The following HS6ST3 variants were observed in gnomAD, a reference collection of about 807,000 sequenced individuals.
HS6ST3 encodes the protein heparan sulfate 6-O-sulfotransferase 3, also known as heparan-sulfate 6-O-sulfotransferase 3.
HS6ST3 carries 12 observed loss-of-function variants against 36.7 expected under a neutral mutation model. That is an observed-to-expected ratio of 0.33 (90% confidence interval 0.21 to 0.53). The LOEUF is 0.53. Among genes scored for constraint, HS6ST3 ranks in the 20% least tolerant of loss-of-function variants. HS6ST3 has a pLI of 0.95. For missense variants in HS6ST3, 584 were observed against 640.9 expected, an observed-to-expected ratio of 0.91 and a Z score of 0.96; for synonymous variants, 240 against 257.5, an observed-to-expected ratio of 0.93 and a Z score of 0.65.
intron 1 of HS6ST3, among the ~76,000 whole-genome samples, chr13:96,592,362 G>T (rs1234216432): frequency 1.3e-5 from 2 of 151,800 alleles, no homozygotes; most frequent in Non-Finnish European, 2.9e-5. Flanking sequence ...CTATCTTATT[G>T]TACTATGTCT....
At chr13:96,310,254 T>C (rs1386866261) in intron 1 of HS6ST3, among the ~76,000 whole-genome samples, 1 of 152,182 alleles carries the variant, frequency 6.6e-6, no homozygotes, top group Non-Finnish European at 1.5e-5. Flanking sequence ...CAGATATATG[T>C]ATATAGAATC....
At chr13:96,327,711 G>A (rs2055040719) in intron 1 of HS6ST3, among the ~76,000 whole-genome samples, 2 of 151,990 alleles carry the variant, frequency 1.3e-5, no homozygotes, top group African/African-American at 4.8e-5. Context: ...TTCCAATTCT[G>A]TGAAGAAAGT....
chr13:96,360,673 C>G (rs1043404657), intron 1 of HS6ST3, among the ~76,000 whole-genome samples: 6 of 147,220 alleles, frequency 4.1e-5, no homozygotes, highest in African/African-American at 1.5e-4. Context: ...AAGTCCGGTG[C>G]AGTGGCTCAA....
chr13:96,487,344 A>G (rs1328823437), intron 1 of HS6ST3, among the ~76,000 whole-genome samples: 1 of 152,144 alleles, frequency 6.6e-6, no homozygotes, highest in African/African-American at 2.4e-5. Flanking sequence ...GAGGTTTTTC[A>G]GAGCACTTGT....
intron 1 of HS6ST3, among the ~76,000 whole-genome samples, chr13:96,505,811 G>A (rs2056023980): frequency 6.6e-6 from 1 of 152,044 alleles, no homozygotes. Flanking sequence ...CTAAGAAAAT[G>A]GTGGAAAATG....
chr13:96,602,242 T>C (rs1401231620), intron 1 of HS6ST3, among the ~76,000 whole-genome samples: 7 of 152,186 alleles, frequency 4.6e-5, no homozygotes, highest in Admixed American at 3.3e-4. Flanking sequence ...AAAATAGTTA[T>C]TTTTTAATTC....
At chr13:96,640,321 A>G (rs192526835) in intron 1 of HS6ST3, among the ~76,000 whole-genome samples, 1 of 152,024 alleles carries the variant, frequency 6.6e-6, no homozygotes, top group Non-Finnish European at 1.5e-5. Flanking sequence ...ATGATTAGTG[A>G]TGATGAGCAT....
At position 96,298,427 on chromosome 13, in the gene HS6ST3, A is replaced by C. The variant is rs2054865838; in HGVS notation, c.707+206858A>C. Among the ~76,000 whole-genome samples the C allele has an allele frequency of 3.3e-5, 5 of 152,238 alleles. No homozygotes were observed. The South Asian group carries it at 8.3e-4, about 25-fold the overall frequency. On this transcript the variant is annotated intron_variant, in intron 1 of 1. Transcript: ENST00000376705. ...AAATCTACAGTTACACATTCTTAGA[A>C]GCCTTCCTGCTGAAATAAATAGTAT...
At chr13:96,775,299 A>C (rs1473149404) in intron 1 of HS6ST3, among the ~76,000 whole-genome samples, 4 of 152,140 alleles carry the variant, frequency 2.6e-5, no homozygotes, top group Admixed American at 6.5e-5. Context: ...ACTGGCTAAC[A>C]TCATAATGAC....
chr13:96,697,737 T>G (rs1246434051), intron 1 of HS6ST3, among the ~76,000 whole-genome samples: 1 of 152,162 alleles, frequency 6.6e-6, no homozygotes, highest in Non-Finnish European at 1.5e-5. Context: ...CGATAAGATA[T>G]TAGTAAAATT....
intron 1 of HS6ST3, among the ~76,000 whole-genome samples, chr13:96,431,212 A>C (rs1594778694): frequency 7.4e-6 from 1 of 134,948 alleles, no homozygotes; most frequent in Non-Finnish European, 1.5e-5. Flanking sequence ...TCTAAAACAA[A>C]AAACAAACAA....
rs577163132 is a variant in HS6ST3, at chr13:96,619,135, C to G, written c.708-213355C>G. Among the ~76,000 whole-genome samples the G allele has an allele frequency of 2.6e-5, 4 of 152,032 alleles. No homozygotes were observed. The South Asian group carries it at 8.3e-4, about 32-fold the overall frequency. On this transcript the variant is annotated intron_variant, in intron 1 of 1. Transcript: ENST00000376705. ...TTTGACAATGATTACAGTAATTGAACAGAATATAGTCTTCTCCATTGAAGT... is the reference window on the plus strand; with the variant it reads ...TTTGACAATGATTACAGTAATTGAAGAGAATATAGTCTTCTCCATTGAAGT...
At chr13:96,474,290 G>T (rs1189220309) in intron 1 of HS6ST3, among the ~76,000 whole-genome samples, 1 of 152,160 alleles carries the variant, frequency 6.6e-6, no homozygotes, top group Non-Finnish European at 1.5e-5. Context: ...TTGGAGAGGA[G>T]CACAGTGAGA....
intron 1 of HS6ST3, among the ~76,000 whole-genome samples, chr13:96,368,787 A>G (rs2055275745): frequency 6.6e-6 from 1 of 152,130 alleles, no homozygotes; most frequent in African/African-American, 2.4e-5. Flanking sequence ...AACTGGAGTA[A>G]GTTAGTTATG....
intron 1 of HS6ST3, among the ~76,000 whole-genome samples, chr13:96,210,685 C>T (rs2054394701): frequency 6.6e-6 from 1 of 151,244 alleles, no homozygotes; most frequent in Admixed American, 6.6e-5. Flanking sequence ...CCTCTGCTTC[C>T]TGGGTTCAAG....
intron 1 of HS6ST3, among the ~76,000 whole-genome samples, chr13:96,632,923 G>C (rs1320016285): frequency 6.6e-6 from 1 of 152,210 alleles, no homozygotes; most frequent in Non-Finnish European, 1.5e-5. Flanking sequence ...ATGTGAGTGA[G>C]ATGTGCATGT....
intron 1 of HS6ST3, chr13:96,573,981 A>T: frequency 1.9e-6 from 1 of 540,000 alleles, no homozygotes; most frequent in Non-Finnish European, 3.8e-6. Flanking sequence ...TGTCAGCTCT[A>T]TGGCTTTCCA....
intron 1 of HS6ST3, among the ~76,000 whole-genome samples, chr13:96,779,769 TAAA>T (rs35417653): frequency 3.5e-5 from 5 of 141,216 alleles, no homozygotes; most frequent in African/African-American, 1.0e-4. Context: ...TATATTTACT[TAAA>T]AAAAAAAAAA....
chr13:96,430,589 C>A (rs1406678628), intron 1 of HS6ST3, among the ~76,000 whole-genome samples: 1 of 152,182 alleles, frequency 6.6e-6, no homozygotes, highest in African/African-American at 2.4e-5. Flanking sequence ...TACCACTGCC[C>A]TCTGTGCTAG....
Sources: gnomAD v4.1 joint callset for allele counts (sites outside exome capture counted in the v4.1 genomes callset) on GRCh38, gnomAD v4.1.1 for gene constraint, MANE v1.5 for transcripts, NCBI Gene and HGNC (gene_info 2026-07-23, HGNC 2026-07-21) for gene names.